Variants in UNC5D observed in about 807,000 individuals in gnomAD.
UNC5D encodes unc-5 netrin receptor D, also known as netrin receptor UNC5D.
A neutral mutation model predicts 105.4 loss-of-function variants in UNC5D; 39 were observed. The ratio of observed to expected loss-of-function variants is 0.37; its 90% CI spans 0.29 to 0.48. The LOEUF is 0.48. Ranked by LOEUF, UNC5D falls within the 20% of genes least tolerant of loss-of-function variation. UNC5D has a pLI of 0.98. For synonymous variants in UNC5D, 452 were observed against 450.4 expected, an observed-to-expected ratio of 1.00 and a Z score of -0.04; for missense variants, 991 against 1,202.4, an observed-to-expected ratio of 0.82 and a Z score of 2.60.
intron 1 of UNC5D, among the ~76,000 whole-genome samples, chr8:35,247,051 C>T (rs1292471124): frequency 2.0e-5 from 3 of 151,894 alleles, no homozygotes; most frequent in South Asian, 2.1e-4. Flanking sequence ...AGGTCATTTC[C>T]GTCCGTCCCT....
chr8:35,414,493 C>G (rs1228553515), intron 1 of UNC5D, among the ~76,000 whole-genome samples: 1 of 152,024 alleles, frequency 6.6e-6, no homozygotes, highest in African/African-American at 2.4e-5. Context: ...GGTGTTCTAA[C>G]TTTTTATTTA....
intron 14 of UNC5D, among the ~76,000 whole-genome samples, chr8:35,760,676 T>G (rs189765407): frequency 6.6e-6 from 1 of 152,312 alleles, no homozygotes; most frequent in East Asian, 1.9e-4. Flanking sequence ...GGACTCACAT[T>G]GACCTGGAAT....
intron 16 of UNC5D, among the ~76,000 whole-genome samples, chr8:35,786,656 C>T (rs1423708199): frequency 2.6e-5 from 4 of 151,950 alleles, no homozygotes; most frequent in Admixed American, 2.0e-4. Flanking sequence ...AAACATTTAC[C>T]TAGGATAAAG....
intron 11 of UNC5D, among the ~76,000 whole-genome samples, chr8:35,740,578 C>A (rs1473032073): frequency 6.6e-6 from 1 of 152,158 alleles, no homozygotes; most frequent in Non-Finnish European, 1.5e-5. Context: ...TCTATTTTGA[C>A]CCCTCTGTGT....
intron 1 of UNC5D, among the ~76,000 whole-genome samples, chr8:35,405,667 G>A (rs997218625): frequency 1.3e-5 from 2 of 151,884 alleles, no homozygotes; most frequent in African/African-American, 4.8e-5. Flanking sequence ...ACTGTTTCTC[G>A]GAGTTGACAT....
At chr8:35,350,236 A>C (rs1035866660) in intron 1 of UNC5D, among the ~76,000 whole-genome samples, 3 of 151,968 alleles carry the variant, frequency 2.0e-5, no homozygotes, top group East Asian at 1.9e-4. Context: ...GAAATAATTT[A>C]AGTGTCCATT....
intron 8 of UNC5D, among the ~76,000 whole-genome samples, chr8:35,709,479 G>T (rs770104061): frequency 1.3e-5 from 2 of 151,956 alleles, no homozygotes; most frequent in African/African-American, 2.4e-5. Context: ...CACTTGAGGT[G>T]AGGAGTTCGA....
At chr8:35,495,452 C>CAAAAAAAAAAAAA (rs1811497467) in intron 1 of UNC5D, among the ~76,000 whole-genome samples, 1 of 31,728 alleles carries the variant, frequency 3.2e-5, no homozygotes, top group Admixed American at 4.1e-4. Context: ...TGAACAACAA[C>CAAAAAAAAAAAAA]AACAACAAAA....
chr8:35,438,952 G>A (rs1051660835), intron 1 of UNC5D, among the ~76,000 whole-genome samples: 60 of 152,090 alleles, frequency 3.9e-4, no homozygotes, highest in African/African-American at 1.4e-3. Context: ...GAGATAAAAG[G>A]ACCCCTGTTC....
chr8:35,475,592 T>C (rs1810031801), intron 1 of UNC5D, among the ~76,000 whole-genome samples: 1 of 152,244 alleles, frequency 6.6e-6, no homozygotes. Flanking sequence ...CTCAATGGGC[T>C]TGTGGGAAGA....
chr8:35,340,339 C>G (rs1283465702), intron 1 of UNC5D, among the ~76,000 whole-genome samples: 1 of 152,168 alleles, frequency 6.6e-6, no homozygotes, highest in Non-Finnish European at 1.5e-5. Context: ...CAGGGAGGAA[C>G]ACTGTAAGCT....
chr8:35,401,085 A>C (rs1048584377), intron 1 of UNC5D, among the ~76,000 whole-genome samples: 3 of 152,200 alleles, frequency 2.0e-5, no homozygotes, highest in Non-Finnish European at 4.4e-5. Context: ...GAGTAACTAT[A>C]GTCCTCTTAC....
At chr8:35,383,353 T>C (rs1803160489) in intron 1 of UNC5D, among the ~76,000 whole-genome samples, 1 of 152,160 alleles carries the variant, frequency 6.6e-6, no homozygotes, top group Non-Finnish European at 1.5e-5. Flanking sequence ...CTATACGTAA[T>C]ATAGTAATTA....
intron 1 of UNC5D, among the ~76,000 whole-genome samples, chr8:35,446,280 ATGT>A (rs1361829197): frequency 1.3e-5 from 2 of 151,822 alleles, no homozygotes; most frequent in South Asian, 2.1e-4. Flanking sequence ...TGGTTTTTTA[ATGT>A]TGTTGAGATT....
At chr8:35,610,922 CAATT>C (rs1014442294) in intron 4 of UNC5D, among the ~76,000 whole-genome samples, 1 of 138,620 alleles carries the variant, frequency 7.2e-6, no homozygotes, top group East Asian at 2.2e-4. Flanking sequence ...CTTTGTAATG[CAATT>C]AATTAGCCAC....
intron 1 of UNC5D, among the ~76,000 whole-genome samples, chr8:35,501,131 A>G (rs959264315): frequency 1.3e-5 from 2 of 152,212 alleles, no homozygotes; most frequent in African/African-American, 4.8e-5. Flanking sequence ...CTGCCCAGAG[A>G]GTCAGCCATG....
intron 1 of UNC5D, among the ~76,000 whole-genome samples, chr8:35,449,202 A>T (rs1212278410): frequency 6.6e-6 from 1 of 152,162 alleles, no homozygotes; most frequent in East Asian, 1.9e-4. Context: ...TTAGTTTGCA[A>T]TAGGGTGAAG....
intron 1 of UNC5D, among the ~76,000 whole-genome samples, chr8:35,395,109 G>A (rs546670732): frequency 1.0e-3 from 152 of 152,324 alleles, no homozygotes; most frequent in African/African-American, 3.5e-3. Context: ...CATAGAACTC[G>A]TGGGAAATTA....
At chr8:35,618,498 T>C (rs1338391665) in intron 4 of UNC5D, among the ~76,000 whole-genome samples, 1 of 152,164 alleles carries the variant, frequency 6.6e-6, no homozygotes, top group Non-Finnish European at 1.5e-5. Context: ...AGATGGGAGC[T>C]GACAAATACT....
Sources: gnomAD v4.1 joint callset for allele counts (sites outside exome capture counted in the v4.1 genomes callset) on GRCh38, gnomAD v4.1.1 for gene constraint, MANE v1.5 for transcripts, NCBI Gene and HGNC (gene_info 2026-07-23, HGNC 2026-07-21) for gene names.